The following COL14A1 variants were observed in gnomAD, a reference collection of about 807,000 sequenced individuals.
COL14A1 encodes the protein collagen type XIV alpha 1 chain, also known as collagen alpha-1(XIV) chain.
In COL14A1, 136 loss-of-function variants were observed where a neutral mutation model predicts 230.3. That is an observed-to-expected ratio of 0.59 (90% CI 0.51 to 0.68). The LOEUF is 0.68. COL14A1 is among the 30% of genes least tolerant of loss of function. COL14A1 has a pLI of 0.00. For synonymous variants in COL14A1, 792 were observed against 784.1 expected (o/e 1.01, Z -0.17); for missense variants, 1,976 against 2,215.8 (o/e 0.89, Z 2.17).
intron 23 of COL14A1, among the ~76,000 whole-genome samples, chr8:120,256,279 T>G (rs1819147314): frequency 6.6e-6 from 1 of 152,216 alleles, no homozygotes; most frequent in Non-Finnish European, 1.5e-5. Context: ...TTATTTCTAG[T>G]CCAGATAAGA....
chr8:120,133,970 C>G (rs1814627947), intron 1 of COL14A1, among the ~76,000 whole-genome samples: 1 of 151,826 alleles, frequency 6.6e-6, no homozygotes, highest in African/African-American at 2.4e-5. Flanking sequence ...TAATAAACAA[C>G]TTGTTTAAAA....
At position 120,186,052 on chromosome 8, in the gene COL14A1, C is replaced by T. The variant is rs188725261; in HGVS notation, c.437-10739C>T. 8.5e-4 allele frequency among the ~76,000 whole-genome samples: 130 copies of T among 152,284 alleles called. 2 individuals are homozygous for T. In the East Asian group the frequency reaches 0.02, roughly 23 times the overall value. ...CCTCCCAAAGTGCTGGGATTACAGGCGTGAGCCACCACGCCCTGCTCTCAA... is the reference window on the plus strand; with the variant it reads ...CCTCCCAAAGTGCTGGGATTACAGGTGTGAGCCACCACGCCCTGCTCTCAA... On this transcript the variant is annotated intron_variant, in intron 5 of 47. Coordinates refer to ENST00000297848, the MANE Select transcript of COL14A1 (RefSeq NM_021110.4).
chr8:120,231,955 A>G (rs755966359), intron 19 of COL14A1: 8 of 177,586 alleles, frequency 4.5e-5, no homozygotes, highest in Non-Finnish European at 9.5e-5. Context: ...ATGTATAGAC[A>G]TGTATAAAAG....
chr8:120,362,118 G>C (rs541962579), intron 45 of COL14A1, among the ~76,000 whole-genome samples: 3 of 152,290 alleles, frequency 2.0e-5, no homozygotes, highest in African/African-American at 4.8e-5. Flanking sequence ...AAGAGCCTTC[G>C]GGTCCAGCTT....
In COL14A1 at chr8:120,262,577, T is replaced by C. The variant is rs1819371065; in HGVS notation, c.2870-291T>C. The stretch of plus-strand genomic sequence containing the variant: ...CAAAAGATCAGTTAGGATGTGTGCA[T>C]ATAATTACATGCATTAATAGTTCTC... On this transcript the variant is annotated intron_variant, in intron 23 of 47. Transcript: ENST00000297848. Among the ~76,000 whole-genome samples, 3 of 152,350 alleles carry C rather than the reference T, an allele frequency of 2.0e-5. No individual in the cohort carries two copies. In the South Asian group the frequency reaches 6.2e-4, roughly 32 times the overall value.
intron 13 of COL14A1, 109 bp from the exon 14 acceptor site, chr8:120,216,242 C>G (rs1406501503): frequency 1.2e-6 from 1 of 806,324 alleles, no homozygotes; most frequent in Non-Finnish European, 1.9e-6. Context: ...AAGTTATTAT[C>G]TAGGTGACAC....
At chr8:120,367,292 A>G (rs748317746) in intron 46 of COL14A1, 44 bp downstream of exon 46, 36 of 1,498,840 alleles carry the variant, frequency 2.4e-5, no homozygotes, top group Non-Finnish European at 3.2e-5. Flanking sequence ...GTATATTTTT[A>G]TATTCACTTG....
chr8:120,347,985 C>A, intron 45 of COL14A1, among the ~76,000 whole-genome samples: 1 of 152,058 alleles, frequency 6.6e-6, no homozygotes, highest in East Asian at 1.9e-4. Context: ...CTTAGGCTTC[C>A]TATGAGCCTC....
intron 26 of COL14A1, among the ~76,000 whole-genome samples, chr8:120,273,558 G>A (rs1040868419): frequency 1.3e-5 from 2 of 151,498 alleles, no homozygotes; most frequent in Admixed American, 6.6e-5. Flanking sequence ...GTTTAACCAA[G>A]AAAAAAGAGA....
chr8:120,189,471 T>G (rs1816746724), intron 5 of COL14A1, among the ~76,000 whole-genome samples: 1 of 151,602 alleles, frequency 6.6e-6, no homozygotes, highest in Admixed American at 6.6e-5. Context: ...TAATTAAAAT[T>G]TTTTTATTTA....
intron 45 of COL14A1, among the ~76,000 whole-genome samples, chr8:120,354,192 G>A (rs1822888228): frequency 9.1e-6 from 1 of 110,270 alleles, no homozygotes; most frequent in South Asian, 3.6e-4. Flanking sequence ...ATTGAACAAT[G>A]AGATCACATG....
At chr8:120,185,269 C>T (rs996679027) in intron 5 of COL14A1, among the ~76,000 whole-genome samples, 3 of 152,178 alleles carry the variant, frequency 2.0e-5, no homozygotes, top group African/African-American at 7.2e-5. Context: ...ACAGCAGTGA[C>T]CATCTGTGTT....
chr8:120,349,494 T>A (rs1424934348), intron 45 of COL14A1, among the ~76,000 whole-genome samples: 1 of 111,694 alleles, frequency 9.0e-6, no homozygotes, highest in African/African-American at 4.6e-5. Flanking sequence ...TTGAAAAAAA[T>A]TTAGAAAAAT....
chr8:120,356,721 C>G (rs969172572), intron 45 of COL14A1, among the ~76,000 whole-genome samples: 6 of 151,374 alleles, frequency 4.0e-5, no homozygotes, highest in African/African-American at 1.5e-4. Flanking sequence ...GAGCAAGACT[C>G]TTTCTCAAAA....
chr8:120,271,897 G>A (rs918557179), intron 26 of COL14A1, among the ~76,000 whole-genome samples: 4 of 151,444 alleles, frequency 2.6e-5, no homozygotes, highest in African/African-American at 9.7e-5. Context: ...TTTGTGGCAT[G>A]TGAATTACTA....
chr8:120,184,566 A>G (rs1001331633), intron 5 of COL14A1, among the ~76,000 whole-genome samples: 4 of 152,104 alleles, frequency 2.6e-5, no homozygotes, highest in Non-Finnish European at 5.9e-5. Context: ...TTGATTTAAT[A>G]TAAGGAATTG....
chr8:120,226,358 C>T (rs751447755), intron 15 of COL14A1, among the ~76,000 whole-genome samples: 5 of 151,608 alleles, frequency 3.3e-5, no homozygotes, highest in Non-Finnish European at 5.9e-5. Flanking sequence ...ATGAAAACAG[C>T]CAAATAGAAA....
At chr8:120,271,491 T>A (rs1819665249) in intron 26 of COL14A1, among the ~76,000 whole-genome samples, 1 of 151,760 alleles carries the variant, frequency 6.6e-6, no homozygotes. Context: ...GATTTAAAGA[T>A]GTCAGGGGAT....
chr8:120,275,784 C>T (rs1819820033), intron 26 of COL14A1, among the ~76,000 whole-genome samples: 2 of 151,862 alleles, frequency 1.3e-5, no homozygotes, highest in Admixed American at 1.3e-4. Context: ...CAATGAGATA[C>T]CTCCTTGCCC....
Sources: allele counts gnomAD v4.1 joint callset (sites outside exome capture counted in the v4.1 genomes callset), GRCh38; gene constraint gnomAD v4.1.1; transcripts MANE v1.5; gene names NCBI Gene and HGNC (gene_info 2026-07-23, HGNC 2026-07-21).